The following TTBK2 variants were observed in gnomAD, a reference collection of about 807,000 sequenced individuals.
TTBK2 encodes tau-tubulin kinase 2.
A neutral mutation model predicts 110.8 loss-of-function variants in TTBK2; 28 were observed. The ratio of observed to expected loss-of-function variants is 0.25; its 90% CI spans 0.19 to 0.35. TTBK2 has a LOEUF of 0.35. TTBK2 is among the 10% of genes least tolerant of loss of function. The pLI is 1.00. For synonymous variants in TTBK2, 532 were observed against 527.3 expected (o/e 1.01, Z -0.12); for missense variants, 1,369 against 1,500.3 (o/e 0.91, Z 1.45).
chr15:42,819,865 T>C (rs1892217157), intron 6 of TTBK2, among the ~76,000 whole-genome samples: 1 of 152,218 alleles, frequency 6.6e-6, no homozygotes, highest in Admixed American at 6.5e-5. Flanking sequence ...TAGAATTTTT[T>C]TGTGTTGTGT....
intron 1 of TTBK2, among the ~76,000 whole-genome samples, chr15:42,912,459 C>A (rs2030821036): frequency 6.6e-6 from 1 of 152,204 alleles, no homozygotes; most frequent in Non-Finnish European, 1.5e-5. Context: ...GTAATCCCAG[C>A]ACTTTGGGAG....
At chr15:42,880,026 A>G (rs1894979282) in intron 1 of TTBK2, among the ~76,000 whole-genome samples, 2 of 152,000 alleles carry the variant, frequency 1.3e-5, no homozygotes, top group Admixed American at 1.3e-4. Context: ...AAAGAAAAGA[A>G]AAACAGGATG....
chr15:42,749,937 T>A (rs2061843247), intron 14 of TTBK2, among the ~76,000 whole-genome samples: 2 of 152,018 alleles, frequency 1.3e-5, no homozygotes, highest in African/African-American at 4.8e-5. Context: ...AACAAACAAA[T>A]TAGCTAGGTG....
rs149039420 is a variant in TTBK2, at chr15:42,789,227, C to T, written c.980+5417G>A. Among the ~76,000 whole-genome samples the T allele has an allele frequency of 1.9e-4, 29 of 152,204 alleles. No homozygotes were observed. The East Asian group carries it at 4.8e-3, about 25-fold the overall frequency. ...TTCCTTTCCTTCCTCCCTCCTTGAA[C>T]CCCCTGTGGTAACCACTGTATCATT... On this transcript the variant is annotated intron_variant, in intron 10 of 14. Coordinates refer to ENST00000267890, the MANE Select transcript of TTBK2 (RefSeq NM_173500.4).
At chr15:42,821,973 A>G (rs1368851897) in intron 6 of TTBK2, among the ~76,000 whole-genome samples, 1 of 152,138 alleles carries the variant, frequency 6.6e-6, no homozygotes, top group Non-Finnish European at 1.5e-5. Flanking sequence ...TACAGGTGTG[A>G]GCCACCATGC....
intron 1 of TTBK2, among the ~76,000 whole-genome samples, chr15:42,901,908 G>C (rs2030041339): frequency 6.6e-6 from 1 of 152,062 alleles, no homozygotes; most frequent in Non-Finnish European, 1.5e-5. Context: ...ATCATTAGGG[G>C]AAATGCAAAT....
chr15:42,825,892 T>C (rs1484764507), intron 6 of TTBK2, among the ~76,000 whole-genome samples: 1 of 151,998 alleles, frequency 6.6e-6, no homozygotes, highest in Non-Finnish European at 1.5e-5. Flanking sequence ...AAAAGGGATA[T>C]GATCAGGAAA....
intron 3 of TTBK2, among the ~76,000 whole-genome samples, chr15:42,869,486 T>C (rs1329212194): frequency 6.6e-6 from 1 of 151,030 alleles, no homozygotes; most frequent in Non-Finnish European, 1.5e-5. Context: ...CAAAATAATT[T>C]TGTAATAAAA....
At chr15:42,899,217 C>T (rs942067110) in intron 1 of TTBK2, among the ~76,000 whole-genome samples, 1 of 151,876 alleles carries the variant, frequency 6.6e-6, no homozygotes, top group African/African-American at 2.4e-5. Flanking sequence ...AGGCTGGTCT[C>T]GAACTCGTGA....
chr15:42,866,178 C>A (rs977420806), intron 3 of TTBK2, among the ~76,000 whole-genome samples: 1 of 152,184 alleles, frequency 6.6e-6, no homozygotes, highest in African/African-American at 2.4e-5. Flanking sequence ...GTAGCTTGCA[C>A]CTGTAACCCC....
chr15:42,828,922 G>A (rs555062631), intron 5 of TTBK2, among the ~76,000 whole-genome samples: 6 of 152,138 alleles, frequency 3.9e-5, no homozygotes, highest in African/African-American at 9.6e-5. Flanking sequence ...GACTTGTGAC[G>A]GTAAAAGCCA....
rs2061795926 is a variant in TTBK2 at position 42,746,401 on chromosome 15, G to GTTGTATGA, written c.3273-152_3273-145dup. The GTTGTATGA allele has an allele frequency of 5.9e-5, 39 of 665,988 alleles. No individual in the cohort carries two copies. The South Asian group carries it at 7.4e-4, about 13-fold the overall frequency. The allele number at this position is 665,988 out of a possible 1,614,324, so 41.3% of individuals were successfully genotyped here. Reference sequence around the variant, plus strand: ...TACAGGGTTACTCTGTCATATACTAGTTGTATGACCCTGGACAAATTCTTC... The same window carrying GTTGTATGA: ...TACAGGGTTACTCTGTCATATACTAGTTGTATGATTGTATGACCCTGGACAAATTCTTC... On this transcript the variant is annotated intron_variant, in intron 14 of 14. Transcript: ENST00000267890.
chr15:42,878,963 T>C (rs1169686625), intron 1 of TTBK2, among the ~76,000 whole-genome samples: 3 of 152,188 alleles, frequency 2.0e-5, no homozygotes, highest in South Asian at 4.1e-4. Context: ...AGGGCAAGCA[T>C]GATGTCAATG....
At chr15:42,888,277 A>G (rs1895320906) in intron 1 of TTBK2, among the ~76,000 whole-genome samples, 1 of 151,758 alleles carries the variant, frequency 6.6e-6, no homozygotes, top group Admixed American at 6.6e-5. Context: ...AGCTATACTC[A>G]CACTTCGTTG....
At chr15:42,877,020 T>C (rs1277998254) in intron 2 of TTBK2, among the ~76,000 whole-genome samples, 5 of 152,212 alleles carry the variant, frequency 3.3e-5, no homozygotes, top group African/African-American at 9.6e-5. Flanking sequence ...AACCAATTCA[T>C]TGTTTTGAAA....
chr15:42,865,018 G>A (rs181073991), intron 3 of TTBK2, among the ~76,000 whole-genome samples: 41 of 152,192 alleles, frequency 2.7e-4, no homozygotes, highest in African/African-American at 8.7e-4. Context: ...ATTTTATTAC[G>A]AGAAAATATC....
chr15:42,796,210 C>G (rs921531290), intron 9 of TTBK2, among the ~76,000 whole-genome samples: 1 of 152,156 alleles, frequency 6.6e-6, no homozygotes, highest in African/African-American at 2.4e-5. Flanking sequence ...TCAAGACCAG[C>G]CTGGCCAACA....
chr15:42,834,337 T>C (rs186050357), intron 4 of TTBK2, among the ~76,000 whole-genome samples: 2 of 152,286 alleles, frequency 1.3e-5, no homozygotes, highest in African/African-American at 4.8e-5. Flanking sequence ...CTTAAATCCA[T>C]CCACTTGAAA....
At chr15:42,813,874 C>T (rs946001892) in intron 7 of TTBK2, among the ~76,000 whole-genome samples, 15 of 151,002 alleles carry the variant, frequency 9.9e-5, no homozygotes, top group African/African-American at 3.6e-4. Flanking sequence ...AAAAAAGTAA[C>T]AACAATTAAA....
Sources: allele counts gnomAD v4.1 joint callset (sites outside exome capture counted in the v4.1 genomes callset), GRCh38; gene constraint gnomAD v4.1.1; transcripts MANE v1.5; gene names NCBI Gene and HGNC (gene_info 2026-07-23, HGNC 2026-07-21).